The following XYLT1 variants were observed in gnomAD, a reference collection of about 807,000 sequenced individuals.
XYLT1 encodes xylosyltransferase 1.
In XYLT1, 36 loss-of-function variants were observed where a neutral mutation model predicts 91.3. That is an observed-to-expected ratio of 0.39 (90% CI 0.30 to 0.52). XYLT1 has a LOEUF of 0.52. XYLT1 is among the 20% of genes least tolerant of loss of function. XYLT1 has a pLI of 0.68. For missense variants in XYLT1, 1,242 were observed against 1,284.5 expected, an observed-to-expected ratio of 0.97 and a Z score of 0.51; for synonymous variants, 588 against 532.0, an observed-to-expected ratio of 1.11 and a Z score of -1.45.
At chr16:17,371,918 G>T (rs529350030) in intron 1 of XYLT1, among the ~76,000 whole-genome samples, 51 of 152,270 alleles carry the variant, frequency 3.3e-4, no homozygotes, top group African/African-American at 1.2e-3. Flanking sequence ...ATGCATGTGT[G>T]GTCTCTTTCA....
chr16:17,157,420 G>C (rs754810585), intron 6 of XYLT1, among the ~76,000 whole-genome samples: 12 of 152,134 alleles, frequency 7.9e-5, no homozygotes, highest in Non-Finnish European at 1.8e-4. Context: ...CGGGGGCCAG[G>C]TTGGGGAACG....
intron 1 of XYLT1, among the ~76,000 whole-genome samples, chr16:17,444,512 C>CTTTT (rs56872670): frequency 7.0e-5 from 10 of 143,732 alleles, no homozygotes; most frequent in South Asian, 4.5e-4. Flanking sequence ...ACTTCTTCTT[C>CTTTT]TTTTTTTTTT....
chr16:17,198,591 T>G (rs1022173248), intron 4 of XYLT1, among the ~76,000 whole-genome samples, 177 bp from the exon 5 acceptor site: 2 of 152,110 alleles, frequency 1.3e-5, no homozygotes, highest in African/African-American at 4.8e-5. Context: ...CAATTCAAAC[T>G]TGGATTATTT....
chr16:17,452,331 C>T (rs547021172), intron 1 of XYLT1, among the ~76,000 whole-genome samples: 1 of 132,462 alleles, frequency 7.5e-6, no homozygotes, highest in Non-Finnish European at 1.6e-5. Context: ...TTGTTAGTAA[C>T]AGGGTCTCAG....
At chr16:17,139,471 CA>C (rs1220920652) in intron 7 of XYLT1, among the ~76,000 whole-genome samples, 1 of 152,158 alleles carries the variant, frequency 6.6e-6, no homozygotes, top group African/African-American at 2.4e-5. Flanking sequence ...GAGCTTTGGT[CA>C]CCAGTATCGT....
At chr16:17,268,965 G>A (rs1040063070) in intron 2 of XYLT1, among the ~76,000 whole-genome samples, 7 of 151,972 alleles carry the variant, frequency 4.6e-5, no homozygotes, top group Non-Finnish European at 7.4e-5. Context: ...GAGCCACTGC[G>A]CCCAGCCGAT....
intron 1 of XYLT1, among the ~76,000 whole-genome samples, chr16:17,468,315 G>C (rs2036927325): frequency 6.6e-6 from 1 of 151,552 alleles, no homozygotes; most frequent in African/African-American, 2.4e-5. Context: ...AGCCCCAAGA[G>C]ACAACAGTCA....
At chr16:17,126,686 A>T (rs2030271957) in intron 10 of XYLT1, among the ~76,000 whole-genome samples, 1 of 152,218 alleles carries the variant, frequency 6.6e-6, no homozygotes, top group Non-Finnish European at 1.5e-5. Context: ...AGTCAGAACC[A>T]TTGTGACAAA....
intron 2 of XYLT1, among the ~76,000 whole-genome samples, chr16:17,355,774 A>G (rs1188922780): frequency 1.3e-5 from 2 of 152,032 alleles, no homozygotes; most frequent in African/African-American, 2.4e-5. Flanking sequence ...CAGTGGCTCA[A>G]TCTTGGCTCA....
intron 1 of XYLT1, among the ~76,000 whole-genome samples, chr16:17,391,019 C>T (rs1244807758): frequency 6.6e-6 from 1 of 152,030 alleles, no homozygotes; most frequent in East Asian, 1.9e-4. Context: ...GCATGGGCGA[C>T]AGAGCGAGAC....
chr16:17,329,115 G>A (rs575510217), intron 2 of XYLT1, among the ~76,000 whole-genome samples: 6 of 152,268 alleles, frequency 3.9e-5, no homozygotes, highest in Admixed American at 3.3e-4. Flanking sequence ...CAGCTCTGCC[G>A]CTGTAGCTCA....
chr16:17,248,862 C>G (rs2033489085), intron 3 of XYLT1, among the ~76,000 whole-genome samples: 1 of 151,606 alleles, frequency 6.6e-6, no homozygotes, highest in African/African-American at 2.4e-5. Context: ...ATTCTCATGC[C>G]TTAGCCTCCT....
chr16:17,245,180 T>C (rs1451202656), intron 3 of XYLT1, among the ~76,000 whole-genome samples: 3 of 152,244 alleles, frequency 2.0e-5, no homozygotes, highest in African/African-American at 7.2e-5. Flanking sequence ...TGAGAATGTA[T>C]ACAGCCTTGA....
intron 11 of XYLT1, among the ~76,000 whole-genome samples, chr16:17,109,844 C>T (rs992858188): frequency 6.6e-5 from 10 of 152,200 alleles, no homozygotes; most frequent in Non-Finnish European, 1.3e-4. Context: ...AGCTGCCGAG[C>T]GTCCACCTTG....
At chr16:17,189,365 CAAT>C (rs1453309495) in intron 5 of XYLT1, among the ~76,000 whole-genome samples, 5 of 152,144 alleles carry the variant, frequency 3.3e-5, no homozygotes, top group Non-Finnish European at 7.3e-5. Context: ...GCCATCAGGC[CAAT>C]ATGCTCAGAT....
At chr16:17,403,116 G>A (rs2035989782) in intron 1 of XYLT1, among the ~76,000 whole-genome samples, 1 of 152,186 alleles carries the variant, frequency 6.6e-6, no homozygotes, top group Non-Finnish European at 1.5e-5. Flanking sequence ...AGTAACTGAT[G>A]GTAATAAGCC....
intron 8 of XYLT1, among the ~76,000 whole-genome samples, chr16:17,135,763 T>C (rs2030694745): frequency 6.6e-6 from 1 of 152,168 alleles, no homozygotes; most frequent in African/African-American, 2.4e-5. Context: ...CTACCAGGTG[T>C]TATACTTTAT....
intron 10 of XYLT1, among the ~76,000 whole-genome samples, chr16:17,123,461 T>G (rs1279939294): frequency 1.3e-5 from 2 of 152,210 alleles, no homozygotes; most frequent in African/African-American, 4.8e-5. Context: ...GTTATTTAGT[T>G]TCCATGTATT....
At chr16:17,376,440 G>T (rs751530060) in intron 1 of XYLT1, among the ~76,000 whole-genome samples, 2 of 152,190 alleles carry the variant, frequency 1.3e-5, no homozygotes, top group Non-Finnish European at 2.9e-5. Context: ...CAAACTAGAA[G>T]CCAGTGCTCA....
Sources: allele counts gnomAD v4.1 joint callset (sites outside exome capture counted in the v4.1 genomes callset), GRCh38; gene constraint gnomAD v4.1.1; transcripts MANE v1.5; gene names NCBI Gene and HGNC (gene_info 2026-07-23, HGNC 2026-07-21).